Variants in SV2C observed in about 807,000 individuals in gnomAD.
SV2C encodes solute carrier family 22 member B3.
A neutral mutation model predicts 79.7 loss-of-function variants in SV2C; 49 were observed. That is an observed-to-expected ratio of 0.61 (90% confidence interval 0.49 to 0.78). SV2C has a LOEUF of 0.78. Ranked by LOEUF, SV2C falls within the 30% of genes least tolerant of loss-of-function variation. The pLI is 0.00. For synonymous variants in SV2C, 334 were observed against 333.2 expected (o/e 1.00, Z -0.03); for missense variants, 833 against 912.9 (o/e 0.91, Z 1.13).
intron 12 of SV2C, among the ~76,000 whole-genome samples, chr5:76,322,113 T>C (rs1748847553): frequency 6.6e-6 from 1 of 152,196 alleles, no homozygotes; most frequent in African/African-American, 2.4e-5. Flanking sequence ...GAAAATTCCG[T>C]GGGCTCTTCT....
the SV2C span, among the ~76,000 whole-genome samples, chr5:75,944,660 C>T: frequency 2.6e-5 from 4 of 152,120 alleles, no homozygotes; most frequent in Non-Finnish European, 1.5e-5. Context: ...GAACTAAGGA[C>T]AGGCTAATAT....
At chr5:75,929,568 G>A in the SV2C span, among the ~76,000 whole-genome samples, 1 of 152,020 alleles carries the variant, frequency 6.6e-6, no homozygotes, top group Non-Finnish European at 1.5e-5. Flanking sequence ...ATCTGGTTCT[G>A]TAAAGGTAAT....
intron 2 of SV2C, among the ~76,000 whole-genome samples, chr5:76,163,201 G>A (rs1742947091): frequency 2.0e-5 from 3 of 151,856 alleles, no homozygotes; most frequent in Non-Finnish European, 1.5e-5. Context: ...TTCTCACACA[G>A]ATTGAACATT....
At chr5:75,947,867 C>T in the SV2C span, among the ~76,000 whole-genome samples, 1 of 151,684 alleles carries the variant, frequency 6.6e-6, no homozygotes, top group South Asian at 2.1e-4. Context: ...AAAGGGGCTC[C>T]TAAATTATGA....
At chr5:76,172,148 T>A (rs1580326770) in intron 2 of SV2C, among the ~76,000 whole-genome samples, 2 of 27,798 alleles carry the variant, frequency 7.2e-5, no homozygotes, top group African/African-American at 3.1e-4. Context: ...AGCCGCCCCG[T>A]CTGAGAGGTG....
At chr5:76,154,853 A>G (rs896388110) in intron 2 of SV2C, among the ~76,000 whole-genome samples, 1 of 152,206 alleles carries the variant, frequency 6.6e-6, no homozygotes, top group South Asian at 2.1e-4. Context: ...TCTGTGATAC[A>G]TGCTATTTTC....
At chr5:76,150,774 A>G (rs1336592448) in intron 2 of SV2C, among the ~76,000 whole-genome samples, 1 of 151,290 alleles carries the variant, frequency 6.6e-6, no homozygotes, top group African/African-American at 2.4e-5. Context: ...AGTAGCTGGG[A>G]CCACAGATGT....
chr5:75,932,531 T>A, the SV2C span, among the ~76,000 whole-genome samples: 2 of 152,270 alleles, frequency 1.3e-5, no homozygotes, highest in Non-Finnish European at 2.9e-5. Flanking sequence ...AAGCCAGTGA[T>A]AAGCATTATT....
intron 2 of SV2C, among the ~76,000 whole-genome samples, chr5:76,164,237 G>A (rs1003072111): frequency 1.3e-5 from 2 of 152,168 alleles, no homozygotes; most frequent in African/African-American, 4.8e-5. Context: ...TTATTTAGAA[G>A]TATTAAAGGT....
intron 1 of SV2C, among the ~76,000 whole-genome samples, chr5:76,122,918 A>T (rs1411836958): frequency 6.6e-6 from 1 of 152,222 alleles, no homozygotes; most frequent in Non-Finnish European, 1.5e-5. Flanking sequence ...TCAAAAAATT[A>T]ATGAATCCAG....
intron 1 of SV2C, among the ~76,000 whole-genome samples, chr5:76,114,938 G>A (rs924076316): frequency 9.9e-5 from 15 of 152,054 alleles, no homozygotes; most frequent in African/African-American, 3.1e-4. Flanking sequence ...TGGGTACCAC[G>A]TACCATGATT....
the SV2C span, among the ~76,000 whole-genome samples, chr5:76,063,116 A>G: frequency 6.6e-6 from 1 of 152,282 alleles, no homozygotes; most frequent in African/African-American, 2.4e-5. Context: ...TATTCATAAT[A>G]TGTGATAATC....
At chr5:76,290,291 C>T (rs1747514645) in intron 6 of SV2C, among the ~76,000 whole-genome samples, 1 of 152,154 alleles carries the variant, frequency 6.6e-6, no homozygotes, top group African/African-American at 2.4e-5. Context: ...CCCAAGCCAC[C>T]TCTATCCAAA....
intron 1 of SV2C, among the ~76,000 whole-genome samples, chr5:76,117,739 C>T (rs1748322381): frequency 6.6e-6 from 1 of 151,830 alleles, no homozygotes. Context: ...CCTCATATAA[C>T]AAAAAAGTTC....
At chr5:76,291,085 T>C (rs1198028760) in intron 6 of SV2C, 136 bp from the exon 7 acceptor site, 3 of 524,588 alleles carry the variant, frequency 5.7e-6, no homozygotes, top group Non-Finnish European at 1.0e-5. Context: ...TGGTCTCATA[T>C]ATGTATGAAC....
chr5:76,023,208 T>C, the SV2C span, among the ~76,000 whole-genome samples: 2 of 152,206 alleles, frequency 1.3e-5, no homozygotes, highest in Non-Finnish European at 2.9e-5. Context: ...GTCTGTCAGG[T>C]GACCTCTACA....
chr5:76,176,080 G>C (rs1319786011), intron 2 of SV2C, among the ~76,000 whole-genome samples: 1 of 152,214 alleles, frequency 6.6e-6, no homozygotes, highest in Non-Finnish European at 1.5e-5. Context: ...TTTGTTATTT[G>C]TGACAACCTT....
intron 4 of SV2C, among the ~76,000 whole-genome samples, chr5:76,271,582 C>T (rs1413304591): frequency 2.7e-5 from 4 of 150,040 alleles, no homozygotes; most frequent in East Asian, 3.9e-4. Context: ...AAGCAAGCTC[C>T]AGTGTATTTC....
Position 76,172,323 on chromosome 5 carries a change from G to A in SV2C, c.581-22596G>A, listed in dbSNP as rs865921141. The stretch of plus-strand genomic sequence containing the variant: ...GGTCAGCCCCCCCGCCCAGCCAGCC[G>A]CCCTGTCCGGGAGGTGAGGGGCGCC... On this transcript the variant is annotated intron_variant, in intron 2 of 12. Transcript: ENST00000502798. 1.8e-3 allele frequency among the ~76,000 whole-genome samples: 166 copies of A among 91,500 alleles called. 1 individual carries two copies. Among genetic ancestry groups the A allele is most frequent in the Non-Finnish European group, 2.9e-3 (122 of 42,788 alleles). 60.0% of individuals were successfully genotyped at this position (91,500 alleles called of 152,430 possible). A position where few individuals can be genotyped will look rare whatever the true frequency, so the allele number is the denominator to read the frequency against.
Sources: allele counts gnomAD v4.1 joint callset (sites outside exome capture counted in the v4.1 genomes callset), GRCh38; gene constraint gnomAD v4.1.1; transcripts MANE v1.5; gene names NCBI Gene and HGNC (gene_info 2026-07-23, HGNC 2026-07-21).